Variants in ERICH1 observed in about 807,000 individuals in gnomAD.
ERICH1 encodes glutamate-rich protein 1.
ERICH1 carries 56 observed loss-of-function variants against 39.6 expected under a neutral mutation model. That is an observed-to-expected ratio of 1.41 (90% CI 1.14 to 1.77). The LOEUF (loss-of-function observed/expected upper bound fraction) is 1.77, where lower values mean the gene tolerates loss of function less well. Ranked by LOEUF, ERICH1 falls within the 40% of genes most tolerant of loss-of-function variation. The pLI is 0.00. For synonymous variants in ERICH1, 313 were observed against 223.6 expected (o/e 1.40, Z -3.57); for missense variants, 826 against 575.4 (o/e 1.44, Z -4.45).
At chr8:628,337 T>G (rs1269728244) in intron 3 of ERICH1, among the ~76,000 whole-genome samples, 1 of 152,192 alleles carries the variant, frequency 6.6e-6, no homozygotes, top group African/African-American at 2.4e-5. Flanking sequence ...AAATACTACT[T>G]TACTGGGAGT....
At chr8:637,813 A>C (rs928537196) in intron 3 of ERICH1, among the ~76,000 whole-genome samples, 5 of 152,156 alleles carry the variant, frequency 3.3e-5, no homozygotes, top group African/African-American at 1.2e-4. Context: ...TGCTTGCCTG[A>C]CGTCCAGACC....
chr8:668,508 T>G, intron 5 of ERICH1, 90 bp downstream of exon 5: 3 of 1,369,280 alleles, frequency 2.2e-6, no homozygotes. Flanking sequence ...TTCCAACTCA[T>G]TGCTGTTTTG....
At chr8:658,646 A>G (rs535168125) in intron 3 of ERICH1, among the ~76,000 whole-genome samples, 8 of 152,254 alleles carry the variant, frequency 5.3e-5, no homozygotes, top group Non-Finnish European at 1.2e-4. Flanking sequence ...CCAGGCCTCA[A>G]TGAGATCATC....
rs371211094 is a variant in ERICH1, at chr8:731,189, A to C, written c.-28T>G. On this transcript the variant is annotated 5_prime_UTR_variant, in exon 1 of 6. Coordinates refer to ENST00000262109, the MANE Select transcript of ERICH1 (RefSeq NM_207332.3). Reference sequence around the variant, plus strand: ...GGGACCCTGCCGCGGACCTCAGACCACGGCGCGCGGTCCTGAGCTGAGCGC... The same window carrying C: ...GGGACCCTGCCGCGGACCTCAGACCCCGGCGCGCGGTCCTGAGCTGAGCGC... 6.7e-7 allele frequency: 1 copy of C among 1,493,374 alleles called. No individual in the cohort carries two copies. The highest frequency in any genetic ancestry group is 2.2e-5 in the Admixed American group (1 of 46,144). The allele number at this position is 1,493,374 out of a possible 1,614,324, so 92.5% of individuals were successfully genotyped here. A position where few individuals can be genotyped will look rare whatever the true frequency, so the allele number is the denominator to read the frequency against.
At chr8:728,303 C>T (rs1819259073) in intron 1 of ERICH1, among the ~76,000 whole-genome samples, 1 of 152,194 alleles carries the variant, frequency 6.6e-6, no homozygotes, top group African/African-American at 2.4e-5. Flanking sequence ...TATGGCTCTG[C>T]TCACCAACAC....
At chr8:682,018 G>A (rs372755297) in intron 3 of ERICH1, among the ~76,000 whole-genome samples, 2 of 152,048 alleles carry the variant, frequency 1.3e-5, no homozygotes, top group Non-Finnish European at 2.9e-5. Flanking sequence ...TCTCCTCTCA[G>A]AAGTTTTCCA....
intron 3 of ERICH1, 152 bp from the exon 4 acceptor site, chr8:674,199 G>T: frequency 3.5e-6 from 3 of 859,888 alleles, no homozygotes; most frequent in Non-Finnish European, 3.4e-6. Context: ...TACCATCAAA[G>T]ATCCTAGGAC....
At chr8:648,502 CAAA>C (rs531723403) in intron 3 of ERICH1, among the ~76,000 whole-genome samples, 977 of 13,752 alleles carry the variant, frequency 0.071, 197 homozygotes, top group Middle Eastern at 0.19. Flanking sequence ...AAAGAAAAAG[CAAA>C]AAAAAAAAAA....
intron 4 of ERICH1, among the ~76,000 whole-genome samples, chr8:672,520 T>C (rs1803668580): frequency 6.6e-6 from 1 of 152,140 alleles, no homozygotes; most frequent in African/African-American, 2.4e-5. Flanking sequence ...CTGGATCTGC[T>C]AAACCCACCA....
At chr8:695,829 TCCTC>T (rs1810104047) in intron 2 of ERICH1, among the ~76,000 whole-genome samples, 1 of 67,678 alleles carries the variant, frequency 1.5e-5, no homozygotes, top group Non-Finnish European at 3.6e-5. Flanking sequence ...TCCCTTCCTC[TCCTC>T]CCTCCCCATC....
chr8:629,656 T>A (rs867620023), intron 3 of ERICH1, among the ~76,000 whole-genome samples: 1 of 118,840 alleles, frequency 8.4e-6, no homozygotes, highest in South Asian at 2.9e-4. Context: ...CACACCCGCC[T>A]GTGACCACCC....
In ERICH1 at chr8:685,976, C is replaced by T. The variant is rs372391587; in HGVS notation, c.304+6502G>A. Reference sequence around the variant, plus strand: ...CCTGGCCAACATGGTGAAACCCCGTCTCTACTAAAAAATACCAAAAAAAAA... The same window carrying T: ...CCTGGCCAACATGGTGAAACCCCGTTTCTACTAAAAAATACCAAAAAAAAA... On this transcript the variant is annotated intron_variant, in intron 3 of 5. Coordinates refer to ENST00000262109, the MANE Select transcript of ERICH1 (RefSeq NM_207332.3). 2.2e-5 allele frequency among the ~76,000 whole-genome samples: 3 copies of T among 133,464 alleles called. No individual in the cohort carries two copies. The East Asian group carries it at 6.4e-4, about 28-fold the overall frequency. The allele number at this position is 133,464 out of a possible 152,430, so 87.6% of individuals were successfully genotyped here. A position where few individuals can be genotyped will look rare whatever the true frequency, so the allele number is the denominator to read the frequency against.
At chr8:698,441 A>T (rs1810889730) in intron 2 of ERICH1, among the ~76,000 whole-genome samples, 1 of 151,500 alleles carries the variant, frequency 6.6e-6, no homozygotes. Context: ...GTCGTCTTGA[A>T]CTCCTGACCT....
At chr8:704,922 T>G (rs964701152) in intron 2 of ERICH1, among the ~76,000 whole-genome samples, 19 of 152,254 alleles carry the variant, frequency 1.2e-4, no homozygotes, top group African/African-American at 4.1e-4. Context: ...TGAGAATTAT[T>G]TGAATCTAAA....
intron 3 of ERICH1, among the ~76,000 whole-genome samples, chr8:630,525 C>A (rs1797944445): frequency 1.6e-5 from 2 of 122,890 alleles, no homozygotes; most frequent in South Asian, 2.9e-4. Context: ...CTGACTCACA[C>A]CCTCCCGTGA....
chr8:676,862 C>G (rs1344282272), intron 3 of ERICH1, among the ~76,000 whole-genome samples: 1 of 152,208 alleles, frequency 6.6e-6, no homozygotes, highest in African/African-American at 2.4e-5. Flanking sequence ...GCTGTGCACC[C>G]CATCACAGAT....
At chr8:665,489 C>T (rs1388264773) in intron 5 of ERICH1, among the ~76,000 whole-genome samples, 1 of 152,204 alleles carries the variant, frequency 6.6e-6, no homozygotes, top group East Asian at 1.9e-4. Flanking sequence ...CAACAGAAGC[C>T]TCATTCACAC....
intron 3 of ERICH1, chr8:616,424 C>A (rs189236189): frequency 1.2e-5 from 5 of 422,542 alleles, no homozygotes; most frequent in Admixed American, 7.4e-5. Context: ...GACCGAACCC[C>A]GCACACCCCA....
Position 689,564 on chromosome 8 carries a change from C to T in ERICH1, c.304+2914G>A, listed in dbSNP as rs960628048. ...GGTGTCTGGCAGGAGCAGGAAGGTGCACCACCATGCAAGCTGCCAGCACTG... is the reference window on the plus strand; with the variant it reads ...GGTGTCTGGCAGGAGCAGGAAGGTGTACCACCATGCAAGCTGCCAGCACTG... On this transcript the variant is annotated intron_variant, in intron 3 of 5. Coordinates refer to ENST00000262109, the MANE Select transcript of ERICH1 (RefSeq NM_207332.3). Among the ~76,000 whole-genome samples, 18 of 152,216 alleles carry T rather than the reference C, an allele frequency of 1.2e-4. 1 individual carries two copies. The highest frequency in any genetic ancestry group is 7.7e-4 in the East Asian group (4 of 5,190).
Sources: gnomAD v4.1 joint callset for allele counts (sites outside exome capture counted in the v4.1 genomes callset) on GRCh38, gnomAD v4.1.1 for gene constraint, MANE v1.5 for transcripts, NCBI Gene and HGNC (gene_info 2026-07-23, HGNC 2026-07-21) for gene names.